CHN1: variants seen among roughly 807,000 people sequenced by gnomAD.
CHN1 encodes the protein chimerin 1, also known as N-chimaerin.
A neutral mutation model predicts 59.5 loss-of-function variants in CHN1; 37 were observed. That is an observed-to-expected ratio of 0.62 (90% CI 0.48 to 0.82). CHN1 has a LOEUF of 0.82. Ranked by LOEUF, CHN1 falls within the 40% of genes least tolerant of loss-of-function variation. CHN1 has a pLI of 0.00. For synonymous variants in CHN1, 206 were observed against 200.4 expected (o/e 1.03, Z -0.24); for missense variants, 469 against 571.0 (o/e 0.82, Z 1.82).
chr2:174,902,691 C>A (rs1395722248), intron 5 of CHN1, among the ~76,000 whole-genome samples: 1 of 152,170 alleles, frequency 6.6e-6, no homozygotes, highest in Non-Finnish European at 1.5e-5. Context: ...CATGAGCTAT[C>A]AGATCAAAAG....
chr2:174,843,445 G>C (rs1362844625), intron 7 of CHN1, among the ~76,000 whole-genome samples: 1 of 151,946 alleles, frequency 6.6e-6, no homozygotes, highest in Non-Finnish European at 1.5e-5. Flanking sequence ...CCCCATATTG[G>C]CTAAGATGTT....
At chr2:174,881,464 T>A (rs61602669) in intron 5 of CHN1, among the ~76,000 whole-genome samples, 1 of 152,060 alleles carries the variant, frequency 6.6e-6, no homozygotes, top group East Asian at 1.9e-4. Flanking sequence ...ATCTAAAAAA[T>A]AGGAATAACA....
At chr2:174,801,632 C>G in intron 12 of CHN1, 75 bp downstream of exon 12, 1 of 1,041,778 alleles carries the variant, frequency 9.6e-7, no homozygotes. Flanking sequence ...TTTGTCCTTT[C>G]TTTCACCCTT....
At chr2:174,840,103 T>G (rs1369317482) in intron 7 of CHN1, among the ~76,000 whole-genome samples, 2 of 151,378 alleles carry the variant, frequency 1.3e-5, no homozygotes, top group African/African-American at 4.8e-5. Context: ...GGCATTATTA[T>G]ACATATGTGG....
chr2:174,910,714 C>T (rs550001259), intron 5 of CHN1, among the ~76,000 whole-genome samples: 5 of 151,828 alleles, frequency 3.3e-5, no homozygotes, highest in African/African-American at 1.2e-4. Context: ...GGTTTTTATC[C>T]AGGACAGTGG....
At chr2:174,860,223 T>C (rs1037966967) in intron 6 of CHN1, among the ~76,000 whole-genome samples, 1 of 152,172 alleles carries the variant, frequency 6.6e-6, no homozygotes, top group African/African-American at 2.4e-5. Flanking sequence ...AAATAGCTAA[T>C]TAAGCTTTCC....
rs1296078594 is a variant in CHN1, at chr2:174,885,283, GA to G, written c.261-7156del. 2.0e-3 allele frequency among the ~76,000 whole-genome samples: 293 copies of G among 145,916 alleles called. 1 individual carries two copies. Among genetic ancestry groups the G allele is most frequent in the African/African-American group, 6.4e-3 (257 of 39,880 alleles). ...GAGCGAGACTCGGTCTCAAAAAAAA[GA>G]AAAAAAAATATATATATATAGAGAG... On this transcript the variant is annotated intron_variant, in intron 5 of 12. Coordinates refer to ENST00000409900, the MANE Select transcript of CHN1 (RefSeq NM_001822.7).
intron 5 of CHN1, among the ~76,000 whole-genome samples, chr2:174,892,927 C>CA (rs1390230428): frequency 6.6e-6 from 1 of 151,932 alleles, no homozygotes; most frequent in South Asian, 2.1e-4. Flanking sequence ...ATTTAAAAAA[C>CA]AAAAAACACC....
At chr2:174,995,934 G>A (rs76629867) in intron 1 of CHN1, among the ~76,000 whole-genome samples, 6,348 of 152,104 alleles carry the variant, frequency 0.042, 479 homozygotes, top group African/African-American at 0.14. Flanking sequence ...AGCAATGCTG[G>A]CATACTATTA....
chr2:174,816,749 T>C (rs1665074678), intron 8 of CHN1, among the ~76,000 whole-genome samples: 1 of 152,130 alleles, frequency 6.6e-6, no homozygotes, highest in South Asian at 2.1e-4. Flanking sequence ...GTTATAATTA[T>C]TGGGAGTAAT....
At chr2:174,837,811 C>G (rs1029211204) in intron 7 of CHN1, among the ~76,000 whole-genome samples, 4 of 152,104 alleles carry the variant, frequency 2.6e-5, no homozygotes, top group Non-Finnish European at 5.9e-5. Context: ...CATTGCTTGT[C>G]ACGTTTTCAT....
At chr2:174,978,844 A>G (rs927303567) in intron 1 of CHN1, among the ~76,000 whole-genome samples, 3 of 152,208 alleles carry the variant, frequency 2.0e-5, no homozygotes, top group Non-Finnish European at 2.9e-5. Flanking sequence ...AATGTTTTCA[A>G]AATACTCTGG....
At chr2:174,822,430 A>AT (rs1685528609) in intron 8 of CHN1, among the ~76,000 whole-genome samples, 1 of 152,206 alleles carries the variant, frequency 6.6e-6, no homozygotes, top group South Asian at 2.1e-4. Flanking sequence ...CCCAAAGATT[A>AT]TTCATAGGTG....
intron 3 of CHN1, among the ~76,000 whole-genome samples, chr2:174,924,474 C>T (rs1467857940): frequency 6.6e-6 from 1 of 152,134 alleles, no homozygotes; most frequent in Non-Finnish European, 1.5e-5. Context: ...TGTGAGATCC[C>T]CCTCTCCATG....
At chr2:174,840,065 A>G (rs1435588783) in intron 7 of CHN1, among the ~76,000 whole-genome samples, 1 of 151,836 alleles carries the variant, frequency 6.6e-6, no homozygotes, top group African/African-American at 2.4e-5. Flanking sequence ...TTGTATTTGT[A>G]TATGAAATAT....
intron 5 of CHN1, among the ~76,000 whole-genome samples, chr2:174,892,220 A>T (rs1018147063): frequency 6.6e-6 from 1 of 152,246 alleles, no homozygotes; most frequent in African/African-American, 2.4e-5. Flanking sequence ...AAATTTGAAG[A>T]GGAAGTGTTA....
chr2:174,863,862 T>A (rs1687137211), intron 6 of CHN1, among the ~76,000 whole-genome samples: 1 of 152,162 alleles, frequency 6.6e-6, no homozygotes, highest in Non-Finnish European at 1.5e-5. Context: ...AAAGCTTCAT[T>A]GGTGAGAACA....
chr2:174,826,624 G>A (rs539582494), intron 7 of CHN1, among the ~76,000 whole-genome samples: 143 of 152,318 alleles, frequency 9.4e-4, no homozygotes, highest in African/African-American at 3.2e-3. Flanking sequence ...AGTAGAAGGT[G>A]TTTTGTTTGC....
intron 5 of CHN1, among the ~76,000 whole-genome samples, chr2:174,893,941 T>C (rs1457717690): frequency 1.3e-5 from 2 of 152,088 alleles, no homozygotes; most frequent in African/African-American, 4.8e-5. Context: ...GAATCATCTG[T>C]ATACACCATG....
Sources: gnomAD v4.1 joint callset for allele counts (sites outside exome capture counted in the v4.1 genomes callset) on GRCh38, gnomAD v4.1.1 for gene constraint, MANE v1.5 for transcripts, NCBI Gene and HGNC (gene_info 2026-07-23, HGNC 2026-07-21) for gene names.